NPFFR1: variants seen among roughly 807,000 people sequenced by gnomAD.
NPFFR1 encodes the protein G-protein coupled receptor 147.
In NPFFR1, 17 loss-of-function variants were observed where a neutral mutation model predicts 12.7. The ratio of observed to expected loss-of-function variants is 1.34; its 90% CI spans 0.92 to 2.01. The LOEUF is 2.01. NPFFR1 is among the 30% of genes most tolerant of loss of function. NPFFR1 has a pLI of 0.00. For synonymous variants in NPFFR1, 296 were observed against 264.5 expected (o/e 1.12, Z -1.16); for missense variants, 604 against 606.5 (o/e 1.00, Z 0.04).
Position 70,249,975 on chromosome 10 carries a change from A to G in NPFFR1, c.*4982T>C, listed in dbSNP as rs1483858259. 2 of 147,038 alleles carry G rather than the reference A, an allele frequency of 1.4e-5. No homozygotes were observed. The highest frequency in any genetic ancestry group is 5.1e-5 in the African/African-American group (2 of 39,344). The allele number at this position is 147,038 out of a possible 1,614,324, so 9.1% of individuals were successfully genotyped here. On this transcript the variant is annotated 3_prime_UTR_variant, in exon 4 of 4. Coordinates refer to ENST00000277942, the MANE Select transcript of NPFFR1 (RefSeq NM_022146.5). ...ACCCAGGTTGGAGTGCAGTGGCGCA[A>G]TTTTGGCTCACTGCATCCTCTGCCT...
Position 70,253,323 on chromosome 10 carries a change from CT to C in NPFFR1, c.*1633del, listed in dbSNP as rs1840529576. ...CTGGTTCACTGTTAGGCAAAAAAGC[CT>C]TTGGGGAAATTACCAGCTCTCCCGT... On this transcript the variant is annotated 3_prime_UTR_variant, in exon 4 of 4. Coordinates refer to ENST00000277942, the MANE Select transcript of NPFFR1 (RefSeq NM_022146.5). The C allele has an allele frequency of 6.6e-6, 1 of 152,106 alleles. No individual in the cohort carries two copies. Among genetic ancestry groups the C allele is most frequent in the Non-Finnish European group, 1.5e-5 (1 of 68,020 alleles). The allele number at this position is 152,106 out of a possible 1,614,324, so 9.4% of individuals were successfully genotyped here. A position where few individuals can be genotyped will look rare whatever the true frequency, so the allele number is the denominator to read the frequency against.
Position 70,255,648 on chromosome 10 carries a change from T to A in NPFFR1, c.602A>T (p.Tyr201Phe). The A allele has an allele frequency of 1.3e-6, 2 of 1,591,458 alleles. No individual in the cohort carries two copies. The highest frequency in any genetic ancestry group is 1.7e-6 in the Non-Finnish European group (2 of 1,169,496). The change falls in exon 4 of 4, where the codon TAC becomes TTC. Residue 201 changes from tyrosine (Y) to phenylalanine (F), a missense_variant. Physicochemically the swap from Tyr to Phe is conservative, Grantham distance 22. Transcript: ENST00000277942. This position sits in a 1 kb window ranked among gnomAD's most constrained non-coding sequence, Gnocchi z 4.2. ...VDARNRSYPL[Y>F]SCWEAWPEKG... ...CTCGGGCCAGGCCTCCCAGCAGGAG[T>A]AGAGCGGGTAGGAGCGGTTGCGGGC...
intron 1 of NPFFR1, among the ~76,000 whole-genome samples, chr10:70,272,032 G>A (rs1196328054): frequency 6.6e-6 from 1 of 151,742 alleles, no homozygotes; most frequent in East Asian, 1.9e-4. Flanking sequence ...CAGGAGAGTC[G>A]CCTGAACCCA....
At chr10:70,276,734 C>A (rs1840809235) in intron 1 of NPFFR1, among the ~76,000 whole-genome samples, 1 of 152,036 alleles carries the variant, frequency 6.6e-6, no homozygotes, top group Non-Finnish European at 1.5e-5. Flanking sequence ...TTACAGACGT[C>A]TACCACCAAG....
At chr10:70,258,435 G>A (rs901739586) in intron 3 of NPFFR1, among the ~76,000 whole-genome samples, 2 of 152,200 alleles carry the variant, frequency 1.3e-5, no homozygotes. Flanking sequence ...CTCTGTGAGG[G>A]CAGATGCCTT....
intron 2 of NPFFR1, among the ~76,000 whole-genome samples, chr10:70,265,657 G>A (rs773746371): frequency 3.3e-5 from 5 of 152,254 alleles, no homozygotes; most frequent in Non-Finnish European, 7.3e-5. Flanking sequence ...AGCTCCGTGA[G>A]AGAGTGGGAC....
chr10:70,276,432 G>C (rs1309484303), intron 1 of NPFFR1, among the ~76,000 whole-genome samples: 1 of 152,078 alleles, frequency 6.6e-6, no homozygotes, highest in Non-Finnish European at 1.5e-5. Context: ...ATAACAAAGC[G>C]CTGTGTCTCT....
In NPFFR1 at chr10:70,255,252, T is replaced by A; in HGVS notation, c.998A>T (p.Asn333Ile). The A allele has an allele frequency of 6.4e-7, 1 of 1,565,746 alleles. No homozygotes were observed. Among genetic ancestry groups the A allele is most frequent in the South Asian group, 1.2e-5 (1 of 86,058 alleles). ...CTGGAAGCCGCGGCGGAAGTTCTCG[T>A]TGAAGTAGCCGTAGATGATGGGGTT... is the stretch of plus-strand genomic sequence containing the variant. Reference protein sequence around the residue: ...SANPIIYGYFNENFRRGFQAA... With the variant: ...SANPIIYGYFIENFRRGFQAA... Residue 333 changes from asparagine (N) to isoleucine (I), a missense_variant, in exon 4 of 4, where the codon AAC (asparagine) becomes ATC (isoleucine). Coordinates refer to ENST00000277942, the MANE Select transcript of NPFFR1 (RefSeq NM_022146.5). The surrounding 1 kb of genome is among the most constrained non-coding windows in gnomAD (Gnocchi z 4.2).
At chr10:70,273,959 A>G (rs2136807262) in intron 1 of NPFFR1, among the ~76,000 whole-genome samples, 1 of 151,384 alleles carries the variant, frequency 6.6e-6, no homozygotes, top group South Asian at 2.1e-4. Context: ...AGCACCATAG[A>G]CCCCCAAGTT....
At chr10:70,266,755 C>T (rs1157730114) in intron 1 of NPFFR1, among the ~76,000 whole-genome samples, 1 of 152,228 alleles carries the variant, frequency 6.6e-6, no homozygotes, top group African/African-American at 2.4e-5. Context: ...TAGCTGGGTT[C>T]AGCCAATGCC....
Position 70,255,657 on chromosome 10 carries a change from T to C in NPFFR1, c.593A>G (p.Tyr198Cys). Residue 198 changes from tyrosine (Y) to cysteine (C), a missense_variant, in exon 4 of 4, where the codon TAC becomes TGC. Transcript: ENST00000277942. The surrounding 1 kb of genome is among the most constrained non-coding windows in gnomAD (Gnocchi z 4.2). ...GGCCTCCCAGCAGGAGTAGAGCGGGTAGGAGCGGTTGCGGGCGTCCACCAT... is the reference window on the plus strand; with the variant it reads ...GGCCTCCCAGCAGGAGTAGAGCGGGCAGGAGCGGTTGCGGGCGTCCACCAT... ...HFMVDARNRS[Y>C]PLYSCWEAWP... is the part of the protein sequence containing the mutation. 1 of 1,596,212 alleles carries C rather than the reference T, an allele frequency of 6.3e-7. No homozygotes were observed. Among genetic ancestry groups the C allele is most frequent in the Non-Finnish European group, 8.5e-7 (1 of 1,171,892 alleles).
Position 70,255,665 on chromosome 10 carries a change from G to C in NPFFR1, c.585C>G (p.Asn195Lys). The C allele has an allele frequency of 6.3e-7, 1 of 1,599,614 alleles. No individual in the cohort carries two copies. Among genetic ancestry groups the C allele is most frequent in the Non-Finnish European group, 8.5e-7 (1 of 1,173,470 alleles). ...AGCAGGAGTAGAGCGGGTAGGAGCGGTTGCGGGCGTCCACCATGAAGTGGT... is the reference window on the plus strand; with the variant it reads ...AGCAGGAGTAGAGCGGGTAGGAGCGCTTGCGGGCGTCCACCATGAAGTGGT... ...EEHHFMVDAR[N>K]RSYPLYSCWE... Residue 195 changes from asparagine (N) to lysine (K), a missense_variant, in exon 4 of 4, where the codon AAC becomes AAG. Coordinates refer to ENST00000277942, the MANE Select transcript of NPFFR1 (RefSeq NM_022146.5). The surrounding 1 kb of genome is among the most constrained non-coding windows in gnomAD (Gnocchi z 4.2).
At position 70,255,559 on chromosome 10, in the gene NPFFR1, G is replaced by T. The variant is rs770256713; in HGVS notation, c.691C>A (p.Leu231Ile). Residue 231 changes from leucine to isoleucine, a missense_variant, in exon 4 of 4, where the codon CTC becomes ATC. Coordinates refer to ENST00000277942, the MANE Select transcript of NPFFR1 (RefSeq NM_022146.5). The surrounding 1 kb of genome is among the most constrained non-coding windows in gnomAD (Gnocchi z 4.2). ...FSHIYLAPLA[L>I]IVVMYARIAR... The stretch of plus-strand genomic sequence containing the variant: ...ATGCGGGCGTACATGACCACGATGA[G>T]CGCCAGCGGCGCCAGGTAGATGTGC... The T allele has an allele frequency of 6.4e-7, 1 of 1,550,712 alleles. No individual in the cohort carries two copies. Among genetic ancestry groups the T allele is most frequent in the Admixed American group, 2.0e-5 (1 of 51,004 alleles).
At chr10:70,278,988 T>C (rs1336506537) in intron 1 of NPFFR1, among the ~76,000 whole-genome samples, 2 of 152,232 alleles carry the variant, frequency 1.3e-5, no homozygotes, top group South Asian at 2.1e-4. Context: ...ATTGACAATT[T>C]ATAATTATAT....
At chr10:70,269,392 A>T (rs1840727219) in intron 1 of NPFFR1, among the ~76,000 whole-genome samples, 1 of 152,142 alleles carries the variant, frequency 6.6e-6, no homozygotes, top group Non-Finnish European at 1.5e-5. Context: ...CTTAAGCTCA[A>T]GCAATCCTCC....
chr10:70,281,555 AG>A (rs1840862578), intron 1 of NPFFR1, among the ~76,000 whole-genome samples: 1 of 152,214 alleles, frequency 6.6e-6, no homozygotes, highest in African/African-American at 2.4e-5. Context: ...CAAAGATGTT[AG>A]TGACTACCTC....
At chr10:70,283,132 T>TTGTGTGTG (rs56036699) in intron 1 of NPFFR1, among the ~76,000 whole-genome samples, 2 of 149,660 alleles carry the variant, frequency 1.3e-5, no homozygotes, top group South Asian at 2.1e-4. Context: ...CTCTCTCTTT[T>TTGTGTGTG]TGTGTGTGTG....
rs922750019 is a variant in NPFFR1 at position 70,247,625 on chromosome 10, A to T, written c.*7332T>A. On this transcript the variant is annotated 3_prime_UTR_variant, in exon 4 of 4. Coordinates refer to ENST00000277942, the MANE Select transcript of NPFFR1 (RefSeq NM_022146.5). The stretch of plus-strand genomic sequence containing the variant: ...GATGGGGGGAGAGTGATTACTCCTC[A>T]AACAGAGAGTGATTTAACACCACCA... 2.0e-5 allele frequency: 3 copies of T among 152,232 alleles called. No individual in the cohort carries two copies. Among genetic ancestry groups the T allele is most frequent in the Non-Finnish European group, 4.4e-5 (3 of 68,034 alleles). 9.4% of individuals were successfully genotyped at this position (152,232 alleles called of 1,614,324 possible).
Position 70,255,832 on chromosome 10 carries a change from C to T in NPFFR1, c.423-5G>A. On this transcript the variant is annotated splice_region_variant and splice_polypyrimidine_tract_variant and intron_variant, in intron 3 of 3. Coordinates refer to ENST00000277942, the MANE Select transcript of NPFFR1 (RefSeq NM_022146.5). This position sits in a 1 kb window ranked among gnomAD's most constrained non-coding sequence, Gnocchi z 4.2. ...GGGTGCACGATGCAGCGGAACCTGC[C>T]GCGGGGAGAGAGACAGGCGGGATCT... 2.5e-6 allele frequency: 4 copies of T among 1,602,116 alleles called. No individual in the cohort carries two copies. Among genetic ancestry groups the T allele is most frequent in the Non-Finnish European group, 2.6e-6 (3 of 1,174,214 alleles).
Sources: gnomAD v4.1 joint callset for allele counts (sites outside exome capture counted in the v4.1 genomes callset) on GRCh38, gnomAD v4.1.1 for gene constraint, Gnocchi (gnomAD v3.1) non-coding constraint, MANE v1.5 for transcripts, NCBI Gene and HGNC (gene_info 2026-07-23, HGNC 2026-07-21) for gene names.